Variants in ATPAF1 observed in about 807,000 individuals in gnomAD.
ATPAF1 encodes the protein ATP synthase mitochondrial F1 complex assembly factor 1, also known as homolog of yeast ATP11.
Under a neutral mutation model 43.9 loss-of-function variants are expected in ATPAF1, and 26 were observed. The ratio of observed to expected loss-of-function variants is 0.59; its 90% CI spans 0.43 to 0.82. The LOEUF (loss-of-function observed/expected upper bound fraction) is 0.82, where lower values mean the gene tolerates loss of function less well. ATPAF1 is among the 40% of genes least tolerant of loss of function. ATPAF1 has a pLI of 0.00. For synonymous variants in ATPAF1, 157 were observed against 168.0 expected (o/e 0.93, Z 0.50); for missense variants, 366 against 435.0 (o/e 0.84, Z 1.41).
exon 7 of ATPAF1, chr1:46,645,210 C>T (rs1256940329): frequency 6.2e-7 from 1 of 1,613,896 alleles, no homozygotes; most frequent in Non-Finnish European, 8.5e-7. Context: ...TGTCCATTGT[C>T]CTACAAAAAA....
chr1:46,640,227 A>T (rs1455971689), intron 8 of ATPAF1, among the ~76,000 whole-genome samples: 1 of 152,232 alleles, frequency 6.6e-6, no homozygotes, highest in Non-Finnish European at 1.5e-5. Context: ...TAAATAAATG[A>T]ATATGGCTGT....
At chr1:46,645,685 G>T (rs1237268525) in intron 6 of ATPAF1, among the ~76,000 whole-genome samples, 1 of 152,114 alleles carries the variant, frequency 6.6e-6, no homozygotes, top group East Asian at 1.9e-4. Flanking sequence ...TTAAAATTAA[G>T]AAATTCATAT....
At chr1:46,633,525 G>A (rs142079145), downstream of ATPAF1, 1,553 of 353,282 alleles carry the variant, frequency 4.4e-3, 15 homozygotes, top group Middle Eastern at 0.02. Flanking sequence ...TCTAAAGCCT[G>A]TCCACTTTCT....
At chr1:46,644,559 G>A (rs1258055) in intron 7 of ATPAF1, among the ~76,000 whole-genome samples, 130,821 of 152,104 alleles carry the variant, frequency 0.86, 58,578 homozygotes, top group Non-Finnish European at 0.99. Context: ...AATATAATTC[G>A]TGCTTGTTTT....
chr1:46,649,369 T>C (rs1332438709), intron 6 of ATPAF1, among the ~76,000 whole-genome samples: 1 of 152,226 alleles, frequency 6.6e-6, no homozygotes, highest in African/African-American at 2.4e-5. Flanking sequence ...TTCAGGACTC[T>C]ACTCTGTTCC....
intron 6 of ATPAF1, among the ~76,000 whole-genome samples, chr1:46,648,874 G>A (rs543306674): frequency 3.3e-5 from 5 of 152,164 alleles, no homozygotes; most frequent in East Asian, 1.9e-4. Flanking sequence ...AGCTACTCAC[G>A]AGGCTGAGGC....
intron 8 of ATPAF1, among the ~76,000 whole-genome samples, chr1:46,639,087 A>T (rs1460937089): frequency 6.6e-6 from 1 of 152,194 alleles, no homozygotes; most frequent in African/African-American, 2.4e-5. Context: ...GGAAGCAAAT[A>T]ATTAAAGTTA....
At chr1:46,658,813 C>T in intron 2 of ATPAF1, 76 bp from the exon 3 acceptor site, 1 of 956,748 alleles carries the variant, frequency 1.0e-6, no homozygotes, top group Non-Finnish European at 1.5e-6. Flanking sequence ...GTGAAGTACC[C>T]AATCTCATTA....
chr1:46,644,659 A>C (rs1208250580), intron 7 of ATPAF1, among the ~76,000 whole-genome samples: 1 of 152,200 alleles, frequency 6.6e-6, no homozygotes, highest in Non-Finnish European at 1.5e-5. Flanking sequence ...AATGTTTTGA[A>C]TCTAACTTTT....
At chr1:46,656,089 C>T (rs1557931606) in intron 4 of ATPAF1, among the ~76,000 whole-genome samples, 2 of 152,130 alleles carry the variant, frequency 1.3e-5, no homozygotes, top group Non-Finnish European at 2.9e-5. Flanking sequence ...AGGCACTTAA[C>T]CCAGGGTAGG....
intron 8 of ATPAF1, among the ~76,000 whole-genome samples, chr1:46,642,396 C>A (rs1481001344): frequency 6.6e-6 from 1 of 152,136 alleles, no homozygotes; most frequent in Admixed American, 6.5e-5. Flanking sequence ...TTAACCTCTG[C>A]CAGATAAAAG....
chr1:46,667,955 G>T, intron 1 of ATPAF1, 102 bp downstream of exon 1: 1 of 932,258 alleles, frequency 1.1e-6, no homozygotes, highest in Non-Finnish European at 1.4e-6. Context: ...GAAGAGCTGG[G>T]ACAGTACTAG....
chr1:46,642,783 ATATAAC>A (rs1465216877), intron 8 of ATPAF1, among the ~76,000 whole-genome samples: 3 of 152,218 alleles, frequency 2.0e-5, no homozygotes, highest in African/African-American at 4.8e-5. Flanking sequence ...TATAGATACT[ATATAAC>A]TATATTATGT....
intron 4 of ATPAF1, among the ~76,000 whole-genome samples, chr1:46,654,360 C>A (rs914535002): frequency 1.1e-4 from 16 of 151,976 alleles, no homozygotes; most frequent in African/African-American, 3.6e-4. Flanking sequence ...GCAATAATAA[C>A]CTCACAGAAT....
intron 2 of ATPAF1, among the ~76,000 whole-genome samples, chr1:46,663,056 GTT>G (rs1159977467): frequency 1.3e-5 from 2 of 152,098 alleles, no homozygotes; most frequent in Admixed American, 6.6e-5. Flanking sequence ...CCTTGCGATA[GTT>G]TGCTGAGAAC....
intron 2 of ATPAF1, among the ~76,000 whole-genome samples, chr1:46,663,183 T>G (rs1314892299): frequency 2.6e-5 from 4 of 152,244 alleles, no homozygotes; most frequent in African/African-American, 9.6e-5. Flanking sequence ...AGTCTATCAT[T>G]GTTGGACATT....
exon 8 of ATPAF1, chr1:46,643,275 C>T (rs569305969): frequency 1.9e-6 from 3 of 1,613,478 alleles, no homozygotes; most frequent in South Asian, 1.1e-5. Flanking sequence ...ATAAAATCAG[C>T]TGGCTGGCTG....
intron 8 of ATPAF1, among the ~76,000 whole-genome samples, chr1:46,642,779 T>C (rs774882013): frequency 2.0e-5 from 3 of 152,258 alleles, no homozygotes; most frequent in Non-Finnish European, 4.4e-5. Flanking sequence ...TAGGTATAGA[T>C]ACTATATAAC....
intron 1 of ATPAF1, among the ~76,000 whole-genome samples, chr1:46,667,333 C>T (rs1676508103): frequency 6.6e-6 from 1 of 152,138 alleles, no homozygotes; most frequent in Admixed American, 6.6e-5. Flanking sequence ...TCTCCCAAGC[C>T]CCTTTAATTT....
Sources: gnomAD v4.1 joint callset for allele counts (sites outside exome capture counted in the v4.1 genomes callset) on GRCh38, gnomAD v4.1.1 for gene constraint, MANE v1.5 for transcripts, NCBI Gene and HGNC (gene_info 2026-07-23, HGNC 2026-07-21) for gene names.